GFRA2: variants seen among roughly 807,000 people sequenced by gnomAD.
GFRA2 encodes GDNF family receptor alpha 2, also known as GDNF family receptor alpha-2.
A neutral mutation model predicts 48.3 loss-of-function variants in GFRA2; 17 were observed. That is an observed-to-expected ratio of 0.35 (90% CI 0.24 to 0.53). The LOEUF (loss-of-function observed/expected upper bound fraction) is 0.53, where lower values mean the gene tolerates loss of function less well. Among genes scored for constraint, GFRA2 ranks in the 20% least tolerant of loss-of-function variants. GFRA2 has a pLI of 0.93. For missense variants in GFRA2, 660 were observed against 637.3 expected, an observed-to-expected ratio of 1.04 and a Z score of -0.38; for synonymous variants, 305 against 257.2, an observed-to-expected ratio of 1.19 and a Z score of -1.78.
At chr8:21,808,289 C>T (rs1162332001) in intron 1 of GFRA2, among the ~76,000 whole-genome samples, 1 of 152,134 alleles carries the variant, frequency 6.6e-6, no homozygotes, top group Non-Finnish European at 1.5e-5. Context: ...ATCCTAATGG[C>T]TCTGTTATTT....
At chr8:21,694,754 G>A (rs1405999384) in intron 7 of GFRA2, among the ~76,000 whole-genome samples, 1 of 152,194 alleles carries the variant, frequency 6.6e-6, no homozygotes, top group Non-Finnish European at 1.5e-5. Flanking sequence ...TTCTAACTCT[G>A]CTCCCAACTA....
rs1179537572 is a variant in GFRA2, at chr8:21,788,221, A to T, written c.-62T>A. ...TTGGGTAAAAAAAAATAATAGTAGTAACAACAACAATAATAATAGGCAAGC... is the reference window on the plus strand; with the variant it reads ...TTGGGTAAAAAAAAATAATAGTAGTTACAACAACAATAATAATAGGCAAGC... On this transcript the variant is annotated 5_prime_UTR_variant, in exon 1 of 9. Coordinates refer to ENST00000524240, the MANE Select transcript of GFRA2 (RefSeq NM_001495.5). 1.1e-5 allele frequency: 17 copies of T among 1,584,894 alleles called. No individual in the cohort carries two copies. Among genetic ancestry groups the T allele is most frequent in the Non-Finnish European group, 1.4e-5 (16 of 1,166,492 alleles).
chr8:21,761,383 C>T (rs1164746668), intron 3 of GFRA2, among the ~76,000 whole-genome samples: 2 of 152,220 alleles, frequency 1.3e-5, no homozygotes, highest in East Asian at 3.8e-4. Flanking sequence ...TGGAAACTTT[C>T]CCCTTTGGGT....
chr8:21,738,558 C>T (rs941974517), intron 4 of GFRA2, among the ~76,000 whole-genome samples: 4 of 152,164 alleles, frequency 2.6e-5, no homozygotes, highest in Admixed American at 1.3e-4. Flanking sequence ...TCATGGCTCC[C>T]CACCGTCTTC....
chr8:21,743,801 C>G (rs922403828), intron 4 of GFRA2, among the ~76,000 whole-genome samples: 1 of 152,162 alleles, frequency 6.6e-6, no homozygotes. Context: ...AGCCAGGAGC[C>G]AGACTCAAAA....
chr8:21,713,666 A>AT (rs1163257222), intron 4 of GFRA2, among the ~76,000 whole-genome samples: 1 of 152,132 alleles, frequency 6.6e-6, no homozygotes, highest in African/African-American at 2.4e-5. Context: ...CAAAAGCATC[A>AT]TATCAACTGG....
intron 4 of GFRA2, among the ~76,000 whole-genome samples, chr8:21,749,744 AATGGGT>A (rs1805185735): frequency 1.3e-5 from 2 of 151,078 alleles, no homozygotes; most frequent in Admixed American, 1.3e-4. Context: ...CAGGGTGAGG[AATGGGT>A]CCTGGAGTCG....
rs1416439818 is a variant in GFRA2, at chr8:21,720,109, C to T, written c.795-14068G>A. On this transcript the variant is annotated intron_variant, in intron 4 of 8. Coordinates refer to ENST00000524240, the MANE Select transcript of GFRA2 (RefSeq NM_001495.5). Reference sequence around the variant, plus strand: ...AATCCATGCAAACCCTATTATTCCACGGCATATTGTTACAAAGATTCAGAG... The same window carrying T: ...AATCCATGCAAACCCTATTATTCCATGGCATATTGTTACAAAGATTCAGAG... 2.6e-5 allele frequency among the ~76,000 whole-genome samples: 4 copies of T among 151,908 alleles called. No individual in the cohort carries two copies. The East Asian group carries it at 5.8e-4, about 22-fold the overall frequency.
chr8:21,763,844 C>A (rs573287874), intron 3 of GFRA2, among the ~76,000 whole-genome samples: 1 of 151,894 alleles, frequency 6.6e-6, no homozygotes, highest in Admixed American at 6.6e-5. Flanking sequence ...GCTCCTCAGC[C>A]CCTCTCCTCC....
chr8:21,788,753 G>T lies in GFRA2; in HGVS notation c.-594C>A. 1.0e-6 allele frequency: 1 copy of T among 985,430 alleles called. No individual in the cohort carries two copies. The highest frequency in any genetic ancestry group is 1.2e-6 in the Non-Finnish European group (1 of 829,958). 61.0% of individuals were successfully genotyped at this position (985,430 alleles called of 1,614,324 possible). ...AATCTTCTCCCGCTAACCCTTGCTC[G>T]GCTCACTTTTTTCTAATGGAATTCC... On this transcript the variant is annotated 5_prime_UTR_variant, in exon 1 of 9. Coordinates refer to ENST00000524240, the MANE Select transcript of GFRA2 (RefSeq NM_001495.5).
intron 2 of GFRA2, among the ~76,000 whole-genome samples, chr8:21,804,275 G>C (rs1807820989): frequency 6.6e-6 from 1 of 151,836 alleles, no homozygotes; most frequent in Non-Finnish European, 1.5e-5. Context: ...TTCTCAGCCT[G>C]GTTCTGACAC....
intron 4 of GFRA2, among the ~76,000 whole-genome samples, chr8:21,724,490 T>TA (rs1336136310): frequency 6.6e-6 from 1 of 152,150 alleles, no homozygotes; most frequent in African/African-American, 2.4e-5. Flanking sequence ...GGCCATTTGA[T>TA]AGCCTCCTCT....
chr8:21,799,972 C>A (rs1807742930), intron 2 of GFRA2, among the ~76,000 whole-genome samples: 1 of 152,200 alleles, frequency 6.6e-6, no homozygotes, highest in East Asian at 1.9e-4. Context: ...CCTCTGGCCC[C>A]CTGGTGTTCC....
At chr8:21,758,805 G>A (rs551642659) in intron 3 of GFRA2, among the ~76,000 whole-genome samples, 171 of 152,136 alleles carry the variant, frequency 1.1e-3, no homozygotes, top group African/African-American at 3.4e-3. Context: ...CCTTTGAGCC[G>A]GAGCCACAGG....
intron 4 of GFRA2, among the ~76,000 whole-genome samples, chr8:21,708,682 A>G (rs761869002): frequency 3.3e-5 from 5 of 152,210 alleles, no homozygotes; most frequent in Non-Finnish European, 7.3e-5. Flanking sequence ...GCACACAGGA[A>G]GAACGCCATG....
At chr8:21,763,290 T>C (rs557374641) in intron 3 of GFRA2, among the ~76,000 whole-genome samples, 77 of 152,324 alleles carry the variant, frequency 5.1e-4, no homozygotes, top group African/African-American at 1.8e-3. Context: ...GAAGTGGCTA[T>C]TGGGCAGCTC....
Position 21,717,266 on chromosome 8 carries a change from G to A in GFRA2, c.795-11225C>T, listed in dbSNP as rs79810476. Among the ~76,000 whole-genome samples the A allele has an allele frequency of 7.8e-3, 1,186 of 152,260 alleles. 16 individuals are homozygous for A. The highest frequency in any genetic ancestry group is 0.027 in the African/African-American group (1,126 of 41,550). ...TTGGATTATTTCTCCAGCTTAACTT[G>A]AAAGGAACGGATCAGACAGACATTA... is the stretch of plus-strand genomic sequence containing the variant. On this transcript the variant is annotated intron_variant, in intron 4 of 8. Transcript: ENST00000524240.
intron 3 of GFRA2, among the ~76,000 whole-genome samples, chr8:21,762,839 T>G (rs1050887642): frequency 6.6e-6 from 1 of 152,156 alleles, no homozygotes; most frequent in South Asian, 2.1e-4. Context: ...ATATTTAGGG[T>G]TTTTACCATT....
chr8:21,767,971 A>AGAGC (rs1385980020), intron 3 of GFRA2, among the ~76,000 whole-genome samples: 2 of 152,040 alleles, frequency 1.3e-5, no homozygotes, highest in African/African-American at 4.8e-5. Context: ...AGAGAGAGAG[A>AGAGC]GAGAGCAGAT....
Sources: allele counts gnomAD v4.1 joint callset (sites outside exome capture counted in the v4.1 genomes callset), GRCh38; gene constraint gnomAD v4.1.1; transcripts MANE v1.5; gene names NCBI Gene and HGNC (gene_info 2026-07-23, HGNC 2026-07-21).